The following COPG2 variants were observed in gnomAD, a reference collection of about 807,000 sequenced individuals.
The protein encoded by COPG2 is coat protein complex I subunit gamma 2, also known as coatomer subunit gamma-2.
A neutral mutation model predicts 46.3 loss-of-function variants in COPG2; 37 were observed. The observed-to-expected ratio is 0.80, with a 90% confidence interval of 0.61 to 1.05. COPG2 has a LOEUF of 1.05. Among genes scored for constraint, COPG2 ranks in the 50% least tolerant of loss-of-function variants. The pLI is 0.00. For synonymous variants in COPG2, 159 were observed against 129.7 expected (o/e 1.23, Z -1.53); for missense variants, 427 against 387.8 (o/e 1.10, Z -0.85).
chr7:130,583,709 G>A (rs571731196), intron 9 of COPG2, among the ~76,000 whole-genome samples: 134 of 148,336 alleles, frequency 9.0e-4, no homozygotes, highest in Non-Finnish European at 5.9e-5. Flanking sequence ...GGAGGCTGAG[G>A]CAGGGGAATC....
intron 9 of COPG2, among the ~76,000 whole-genome samples, chr7:130,600,024 T>A (rs1449536738): frequency 2.0e-5 from 3 of 152,210 alleles, no homozygotes; most frequent in African/African-American, 7.2e-5. Flanking sequence ...AATTTTGTTA[T>A]CAGTAACATA....
intron 12 of COPG2, among the ~76,000 whole-genome samples, chr7:130,556,326 C>A (rs1481997847): frequency 6.6e-6 from 1 of 152,114 alleles, no homozygotes; most frequent in African/African-American, 2.4e-5. Context: ...TGATCTCTAT[C>A]TTCTAAGGCT....
intron 20 of COPG2, among the ~76,000 whole-genome samples, chr7:130,542,479 T>C (rs1043017595): frequency 1.0e-3 from 156 of 152,086 alleles, no homozygotes; most frequent in African/African-American, 3.2e-3. Flanking sequence ...GTACAGCAGG[T>C]TGAGGACATG....
At chr7:130,636,536 CG>C (rs1795340290) in intron 5 of COPG2, among the ~76,000 whole-genome samples, 1 of 104,310 alleles carries the variant, frequency 9.6e-6, no homozygotes, top group African/African-American at 3.3e-5. Flanking sequence ...GGATTGCAAC[CG>C]GTTTTTTTTT....
At chr7:130,533,069 A>AG (rs1447558758) in intron 20 of COPG2, among the ~76,000 whole-genome samples, 1 of 152,030 alleles carries the variant, frequency 6.6e-6, no homozygotes, top group Non-Finnish European at 1.5e-5. Flanking sequence ...AGGACAGAGG[A>AG]GAGGTGTTTC....
chr7:130,576,796 AC>A (rs200319660), intron 9 of COPG2, among the ~76,000 whole-genome samples: 3 of 152,286 alleles, frequency 2.0e-5, no homozygotes, highest in African/African-American at 7.2e-5. Context: ...AAACAAACAA[AC>A]AAAAAAATAC....
intron 4 of COPG2, among the ~76,000 whole-genome samples, chr7:130,658,816 G>C (rs1795910561): frequency 1.3e-5 from 2 of 152,012 alleles, no homozygotes; most frequent in Non-Finnish European, 2.9e-5. Context: ...AAGTAGCTGG[G>C]ATTACAGGTG....
chr7:130,527,591 A>G (rs1213067793), intron 20 of COPG2, among the ~76,000 whole-genome samples: 2 of 152,140 alleles, frequency 1.3e-5, no homozygotes, highest in Non-Finnish European at 2.9e-5. Flanking sequence ...TAAAAGGAAC[A>G]TAGACAATAG....
Position 130,667,551 on chromosome 7 carries a change from A to C in COPG2, c.38-17T>G, listed in dbSNP as rs1554461645. On this transcript the variant is annotated splice_polypyrimidine_tract_variant and intron_variant, in intron 1 of 23. Transcript: ENST00000425248. ...AGCCACTACCTATTTATAAAACAAAACAAAAAAATGTCCTGAACAGCTGTT... is the reference window on the plus strand; with the variant it reads ...AGCCACTACCTATTTATAAAACAAACCAAAAAAATGTCCTGAACAGCTGTT... The C allele has an allele frequency of 6.2e-7, 1 of 1,610,234 alleles. No homozygotes were observed. Among genetic ancestry groups the C allele is most frequent in the Non-Finnish European group, 8.5e-7 (1 of 1,177,284 alleles).
At chr7:130,616,194 G>T (rs10261928) in intron 6 of COPG2, among the ~76,000 whole-genome samples, 13,501 of 152,078 alleles carry the variant, frequency 0.089, 1,089 homozygotes, top group African/African-American at 0.21. Context: ...TTACAATTCA[G>T]ATATATATTT....
At chr7:130,598,971 C>T (rs936293068) in intron 9 of COPG2, among the ~76,000 whole-genome samples, 1 of 152,146 alleles carries the variant, frequency 6.6e-6, no homozygotes, top group East Asian at 1.9e-4. Flanking sequence ...AGTTCCACGT[C>T]AAAATGATGG....
chr7:130,593,371 G>A (rs1233615082), intron 9 of COPG2, among the ~76,000 whole-genome samples: 1 of 152,200 alleles, frequency 6.6e-6, no homozygotes, highest in Non-Finnish European at 1.5e-5. Flanking sequence ...AATCTCCTAG[G>A]AAGAGGCAAA....
rs753897459 is a variant in COPG2, at chr7:130,627,734, T to C, written c.324-10669A>G. 8.9e-4 allele frequency among the ~76,000 whole-genome samples: 106 copies of C among 119,278 alleles called. 1 individual carries two copies. Among genetic ancestry groups the C allele is most frequent in the Non-Finnish European group, 1.4e-3 (86 of 61,790 alleles). 78.3% of individuals were successfully genotyped at this position (119,278 alleles called of 152,430 possible). On this transcript the variant is annotated intron_variant, in intron 5 of 23. Coordinates refer to ENST00000425248, the MANE Select transcript of COPG2 (RefSeq NM_012133.6). ...TCTATCTATCTACAACCTTAGTGGT[T>C]GGCCACTGCTTGCCCCAAAGACTTT...
chr7:130,527,592 T>C (rs1468726041), intron 20 of COPG2, among the ~76,000 whole-genome samples: 22 of 151,982 alleles, frequency 1.4e-4, no homozygotes, highest in African/African-American at 4.6e-4. Flanking sequence ...AAAAGGAACA[T>C]AGACAATAGC....
At chr7:130,621,334 GT>G (rs1554453604) in intron 5 of COPG2, among the ~76,000 whole-genome samples, 3 of 152,178 alleles carry the variant, frequency 2.0e-5, no homozygotes, top group Admixed American at 6.5e-5. Flanking sequence ...AAGTTACTAA[GT>G]TTGTGGTAAC....
At chr7:130,509,042 A>C in intron 20 of COPG2, 1 of 476,984 alleles carries the variant, frequency 2.1e-6, no homozygotes, top group Admixed American at 2.3e-5. Flanking sequence ...AAAAAAAACA[A>C]AAAAAAAACC....
chr7:130,642,884 G>A (rs1231446945), intron 5 of COPG2, among the ~76,000 whole-genome samples: 1 of 152,134 alleles, frequency 6.6e-6, no homozygotes. Flanking sequence ...TTAGCTGGGC[G>A]TGGTGGCACA....
intron 5 of COPG2, among the ~76,000 whole-genome samples, chr7:130,648,476 T>C (rs1257156054): frequency 1.3e-5 from 2 of 152,184 alleles, no homozygotes; most frequent in East Asian, 1.9e-4. Context: ...CTCAATCTTA[T>C]TATCAAAATC....
intron 5 of COPG2, among the ~76,000 whole-genome samples, chr7:130,638,036 TG>T (rs1278498435): frequency 6.6e-6 from 1 of 152,190 alleles, no homozygotes; most frequent in Non-Finnish European, 1.5e-5. Flanking sequence ...CCTGTTTGCC[TG>T]GGTATCACCA....
Sources: gnomAD v4.1 joint callset for allele counts (sites outside exome capture counted in the v4.1 genomes callset) on GRCh38, gnomAD v4.1.1 for gene constraint, MANE v1.5 for transcripts, NCBI Gene and HGNC (gene_info 2026-07-23, HGNC 2026-07-21) for gene names.